TMEM135: variants seen among roughly 807,000 people sequenced by gnomAD.
TMEM135 encodes the protein peroxisomal membrane protein 52.
A neutral mutation model predicts 60.3 loss-of-function variants in TMEM135; 30 were observed. The ratio of observed to expected loss-of-function variants is 0.50; its 90% CI spans 0.37 to 0.68. The LOEUF (loss-of-function observed/expected upper bound fraction) is 0.68, where lower values mean the gene tolerates loss of function less well. TMEM135 is among the 30% of genes least tolerant of loss of function. The pLI is 0.00. For synonymous variants in TMEM135, 190 were observed against 186.7 expected (o/e 1.02, Z -0.14); for missense variants, 468 against 548.8 (o/e 0.85, Z 1.47).
chr11:87,171,809 A>G (rs1218516068), intron 5 of TMEM135, among the ~76,000 whole-genome samples: 1 of 152,030 alleles, frequency 6.6e-6, no homozygotes, highest in African/African-American at 2.4e-5. Flanking sequence ...TTGGGATGAA[A>G]CTGTTCTACC....
intron 4 of TMEM135, among the ~76,000 whole-genome samples, chr11:87,126,468 A>T (rs1435034038): frequency 1.3e-5 from 2 of 151,958 alleles, no homozygotes; most frequent in Admixed American, 1.3e-4. Context: ...CTATAATTGA[A>T]ACAATTACAT....
intron 6 of TMEM135, among the ~76,000 whole-genome samples, chr11:87,276,521 T>TAC (rs1385407593): frequency 1.2e-4 from 17 of 139,882 alleles, no homozygotes; most frequent in East Asian, 2.0e-4. Context: ...TATATATATA[T>TAC]ACACACACAT....
chr11:87,256,981 A>C (rs1258969732), intron 6 of TMEM135, among the ~76,000 whole-genome samples: 1 of 152,052 alleles, frequency 6.6e-6, no homozygotes, highest in African/African-American at 2.4e-5. Flanking sequence ...ATGAGATTAT[A>C]TTATGTAGGC....
chr11:87,270,908 C>A (rs1941850496), intron 6 of TMEM135, among the ~76,000 whole-genome samples: 1 of 152,050 alleles, frequency 6.6e-6, no homozygotes, highest in African/African-American at 2.4e-5. Flanking sequence ...TCTAGTCAGA[C>A]ATGAGCTGTC....
Position 87,313,448 on chromosome 11 carries a change from G to A in TMEM135, c.960G>A (p.Trp320Ter). 6.2e-7 allele frequency: 1 copy of A among 1,610,792 alleles called. No homozygotes were observed. The highest frequency in any genetic ancestry group is 8.5e-7 in the Non-Finnish European group (1 of 1,177,762). Reference protein sequence around the residue: ...IYKGTSCFLRWIRNLDDELHA... With the variant: ...IYKGTSCFLR ...AGGGTACTAGTTGCTTCCTGCGCTG[G>A]ATCAGAAACTTAGATGATGAACTAC... Residue 320 changes from tryptophan to a stop codon, truncating the protein, a stop_gained, in exon 11 of 15, where the codon TGG (tryptophan) becomes TGA (stop). Transcript: ENST00000305494. LOFTEE classifies it high-confidence loss of function.
rs1156448016 is a variant in TMEM135, at chr11:87,321,515, ATAAT to A, written c.*186_*189del. ...AAGCTTTTTAGGAAGATGTTGCTTA[ATAAT>A]TAAGCTTCCTCCATAGCCAGAATAA... On this transcript the variant is annotated 3_prime_UTR_variant, in exon 15 of 15. Transcript: ENST00000305494. 5.5e-6 allele frequency: 4 copies of A among 727,990 alleles called. No homozygotes were observed. In the South Asian group the frequency reaches 5.9e-5, roughly 11 times the overall value. The allele number at this position is 727,990 out of a possible 1,614,324, so 45.1% of individuals were successfully genotyped here. A position where few individuals can be genotyped will look rare whatever the true frequency, so the allele number is the denominator to read the frequency against.
At chr11:87,126,072 T>G (rs570963029) in intron 4 of TMEM135, among the ~76,000 whole-genome samples, 2 of 152,312 alleles carry the variant, frequency 1.3e-5, no homozygotes, top group East Asian at 3.9e-4. Context: ...TGGGATCTGC[T>G]TTATGGCCAG....
chr11:87,123,650 A>T (rs571410650), intron 4 of TMEM135, among the ~76,000 whole-genome samples: 20 of 152,194 alleles, frequency 1.3e-4, no homozygotes, highest in Non-Finnish European at 2.6e-4. Context: ...TGTGGGCCAT[A>T]CAAAACAGGT....
intron 6 of TMEM135, among the ~76,000 whole-genome samples, chr11:87,282,129 G>A (rs75699677): frequency 0.016 from 2,457 of 152,248 alleles, 74 homozygotes; most frequent in African/African-American, 0.056. Context: ...TATTTCTAAA[G>A]TGAAAAGCTT....
rs1941003873 is a variant in TMEM135, at chr11:87,236,693, T to A, written c.509+9T>A. The A allele has an allele frequency of 6.2e-7, 1 of 1,610,606 alleles. No homozygotes were observed. Among genetic ancestry groups the A allele is most frequent in the Admixed American group, 1.7e-5 (1 of 59,814 alleles). ...TACATGTTCTTTTTCAGGTATGTTC[T>A]GTTATACTTATTTACTTTAATACCC... On this transcript the variant is annotated intron_variant, in intron 6 of 14. Transcript: ENST00000305494.
intron 6 of TMEM135, among the ~76,000 whole-genome samples, chr11:87,242,300 C>T (rs536368151): frequency 5.3e-5 from 8 of 151,860 alleles, no homozygotes; most frequent in African/African-American, 1.2e-4. Flanking sequence ...TGAATAGTGC[C>T]GCAATAAACA....
At chr11:87,136,319 A>C (rs552630554) in intron 4 of TMEM135, among the ~76,000 whole-genome samples, 1 of 152,012 alleles carries the variant, frequency 6.6e-6, no homozygotes, top group Non-Finnish European at 1.5e-5. Flanking sequence ...AGTGAATTAC[A>C]TTGCTTGATG....
intron 2 of TMEM135, 79 bp from the exon 3 acceptor site, chr11:87,071,444 G>A: frequency 9.4e-7 from 1 of 1,069,244 alleles, no homozygotes; most frequent in South Asian, 1.3e-5. Context: ...AGTATGGATG[G>A]AGAAGGGAAA....
At chr11:87,161,402 T>A (rs959343243) in intron 5 of TMEM135, among the ~76,000 whole-genome samples, 3 of 152,200 alleles carry the variant, frequency 2.0e-5, no homozygotes, top group African/African-American at 4.8e-5. Context: ...AAACAAGTAC[T>A]TTGTTAGAAG....
chr11:87,203,118 C>T (rs542114274), intron 5 of TMEM135, among the ~76,000 whole-genome samples: 31 of 151,684 alleles, frequency 2.0e-4, no homozygotes, highest in African/African-American at 6.8e-4. Flanking sequence ...TACCCAATGG[C>T]CCCACACACA....
intron 12 of TMEM135, among the ~76,000 whole-genome samples, chr11:87,316,668 A>G (rs1348138235): frequency 1.3e-5 from 2 of 151,976 alleles, no homozygotes; most frequent in African/African-American, 4.8e-5. Context: ...GGAAAAGGGA[A>G]CTGAGAGAAA....
chr11:87,145,565 C>T (rs991217517), intron 4 of TMEM135, among the ~76,000 whole-genome samples: 4 of 151,926 alleles, frequency 2.6e-5, no homozygotes, highest in African/African-American at 7.2e-5. Context: ...ATAAAGGTTC[C>T]CTTTTCTCCA....
At chr11:87,241,660 C>G (rs470817) in intron 6 of TMEM135, among the ~76,000 whole-genome samples, 83,459 of 151,802 alleles carry the variant, frequency 0.55, 24,284 homozygotes, top group Non-Finnish European at 0.67. Context: ...CCACCCTGCC[C>G]CACCACTATT....
At chr11:87,128,933 A>C (rs1013833395) in intron 4 of TMEM135, among the ~76,000 whole-genome samples, 1 of 152,078 alleles carries the variant, frequency 6.6e-6, no homozygotes, top group African/African-American at 2.4e-5. Flanking sequence ...GTTGATTCTA[A>C]GAAACTCCAA....
Sources: allele counts gnomAD v4.1 joint callset (sites outside exome capture counted in the v4.1 genomes callset), GRCh38; gene constraint gnomAD v4.1.1; transcripts MANE v1.5; gene names NCBI Gene and HGNC (gene_info 2026-07-23, HGNC 2026-07-21).